The following FRAS1 variants were observed in gnomAD, a reference collection of about 807,000 sequenced individuals.
FRAS1 encodes the protein Fraser extracellular matrix complex subunit 1.
Under a neutral mutation model 435.2 loss-of-function variants are expected in FRAS1, and 290 were observed. That is an observed-to-expected ratio of 0.67 (90% CI 0.61 to 0.73). FRAS1 has a LOEUF of 0.73. Among genes scored for constraint, FRAS1 ranks in the 30% least tolerant of loss-of-function variants. The probability of loss-of-function intolerance (pLI) is 0.00; values close to 1 mark genes in which losing one functional copy is unlikely to be tolerated. For missense variants in FRAS1, 4,860 were observed against 5,001.5 expected (o/e 0.97, Z 0.85); for synonymous variants, 1,800 against 1,851.0 (o/e 0.97, Z 0.71).
chr4:78,368,447 A>G (rs1003345195), intron 22 of FRAS1, among the ~76,000 whole-genome samples: 1 of 151,906 alleles, frequency 6.6e-6, no homozygotes, highest in Non-Finnish European at 1.5e-5. Context: ...ACGTACTTAG[A>G]GAAGATTTCA....
At chr4:78,113,173 C>G (rs1424601465) in intron 2 of FRAS1, among the ~76,000 whole-genome samples, 2 of 152,172 alleles carry the variant, frequency 1.3e-5, no homozygotes, top group East Asian at 3.8e-4. Context: ...TTTTTTATGG[C>G]TGCATAGTAT....
chr4:78,534,776 A>G (rs1721829844), intron 71 of FRAS1, among the ~76,000 whole-genome samples, 161 bp downstream of exon 71: 1 of 152,206 alleles, frequency 6.6e-6, no homozygotes, highest in South Asian at 2.1e-4. Context: ...ATCTAGGTAC[A>G]GGCCCATTTC....
chr4:78,374,374 A>G (rs1240230287), intron 25 of FRAS1, 123 bp downstream of exon 25: 18 of 944,398 alleles, frequency 1.9e-5, no homozygotes, highest in Non-Finnish European at 2.4e-5. Flanking sequence ...CAGAGGGCTT[A>G]GCCTAAGTAA....
Position 78,464,578 on chromosome 4 carries a change from A to T in FRAS1, c.7024A>T (p.Thr2342Ser). The change falls in exon 49 of 74, where the codon ACA becomes TCA. Residue 2342 changes from threonine (T) to serine (S), a missense_variant. Transcript: ENST00000512123. ...EFELKAVDAD[T>S]EAESVTFTIV... is the part of the protein sequence containing the mutation. Reference sequence around the variant, plus strand: ...TGAGCTTAAGGCGGTGGATGCTGACACAGAGGTAAGAGCACTTCTTCCCAT... The same window carrying T: ...TGAGCTTAAGGCGGTGGATGCTGACTCAGAGGTAAGAGCACTTCTTCCCAT... The T allele has an allele frequency of 6.2e-7, 1 of 1,613,778 alleles. No homozygotes were observed. Among genetic ancestry groups the T allele is most frequent in the Non-Finnish European group, 8.5e-7 (1 of 1,179,798 alleles).
chr4:78,403,249 TAAACA>T (rs1269209683), intron 30 of FRAS1, among the ~76,000 whole-genome samples: 2 of 152,218 alleles, frequency 1.3e-5, no homozygotes, highest in Admixed American at 6.5e-5. Flanking sequence ...CATTAAGTCT[TAAACA>T]AAACAACGCT....
intron 2 of FRAS1, among the ~76,000 whole-genome samples, chr4:78,114,553 A>C (rs1356829345): frequency 6.6e-6 from 1 of 151,934 alleles, no homozygotes; most frequent in Non-Finnish European, 1.5e-5. Context: ...ATGTCCCTTT[A>C]AGTTGGATTC....
At chr4:78,402,818 T>C (rs1732949971) in intron 30 of FRAS1, among the ~76,000 whole-genome samples, 1 of 152,222 alleles carries the variant, frequency 6.6e-6, no homozygotes, top group Non-Finnish European at 1.5e-5. Flanking sequence ...TTGTCTTTTA[T>C]GACACTGACT....
intron 14 of FRAS1, 45 bp downstream of exon 14, chr4:78,286,584 TC>T (rs1727619595): frequency 6.3e-7 from 1 of 1,594,744 alleles, no homozygotes; most frequent in African/African-American, 1.3e-5. Flanking sequence ...CCAAGACAGC[TC>T]CCCAACCCTG....
At chr4:78,146,166 CAG>C (rs1367683159) in intron 2 of FRAS1, among the ~76,000 whole-genome samples, 5 of 152,080 alleles carry the variant, frequency 3.3e-5, no homozygotes, top group African/African-American at 9.7e-5. Context: ...GAATAATGTA[CAG>C]AGTCTTAAAT....
chr4:78,469,129 A>G (rs1378171564), intron 50 of FRAS1, among the ~76,000 whole-genome samples: 1 of 152,232 alleles, frequency 6.6e-6, no homozygotes, highest in Non-Finnish European at 1.5e-5. Context: ...AGATTTCAGG[A>G]TATATCAGCA....
At chr4:78,112,799 T>TA (rs1376453356) in intron 2 of FRAS1, among the ~76,000 whole-genome samples, 1 of 140,102 alleles carries the variant, frequency 7.1e-6, no homozygotes, top group Non-Finnish European at 1.6e-5. Flanking sequence ...TTTATTTTTT[T>TA]AAATTTTTAC....
At chr4:78,517,698 CA>C (rs772738405) in intron 66 of FRAS1, among the ~76,000 whole-genome samples, 30 of 152,264 alleles carry the variant, frequency 2.0e-4, no homozygotes, top group Non-Finnish European at 2.8e-4. Context: ...GTGCCTTGCA[CA>C]GTGTGCCTGG....
At chr4:78,073,160 G>C (rs1159046711) in intron 2 of FRAS1, among the ~76,000 whole-genome samples, 1 of 152,078 alleles carries the variant, frequency 6.6e-6, no homozygotes, top group African/African-American at 2.4e-5. Context: ...TCCTTGCTGG[G>C]TTTTTATAAA....
intron 14 of FRAS1, among the ~76,000 whole-genome samples, chr4:78,293,526 T>C (rs901228080): frequency 6.6e-6 from 1 of 152,206 alleles, no homozygotes; most frequent in Non-Finnish European, 1.5e-5. Context: ...CTTTTTCTTC[T>C]CTTTTCCTCA....
At chr4:78,114,689 A>C (rs1743016504) in intron 2 of FRAS1, among the ~76,000 whole-genome samples, 2 of 152,248 alleles carry the variant, frequency 1.3e-5, no homozygotes, top group South Asian at 4.1e-4. Flanking sequence ...GTATCCTAAG[A>C]CTTTGCTGAA....
At chr4:78,239,401 T>G (rs1445047570) in intron 3 of FRAS1, among the ~76,000 whole-genome samples, 3 of 152,212 alleles carry the variant, frequency 2.0e-5, no homozygotes, top group Non-Finnish European at 4.4e-5. Context: ...GTTCCATTAT[T>G]ATCATCCTTT....
intron 9 of FRAS1, among the ~76,000 whole-genome samples, chr4:78,277,923 T>A (rs1390130406): frequency 6.6e-6 from 1 of 152,038 alleles, no homozygotes; most frequent in Non-Finnish European, 1.5e-5. Context: ...ACCATTCTCC[T>A]GCCTCAGCCT....
At chr4:78,081,938 G>A (rs1740915389) in intron 2 of FRAS1, among the ~76,000 whole-genome samples, 1 of 151,982 alleles carries the variant, frequency 6.6e-6, no homozygotes, top group Admixed American at 6.6e-5. Context: ...ATTTTCTTTG[G>A]TTTAAGTCTG....
chr4:78,114,312 G>A (rs1442567138), intron 2 of FRAS1, among the ~76,000 whole-genome samples: 1 of 152,226 alleles, frequency 6.6e-6, no homozygotes, highest in South Asian at 2.1e-4. Flanking sequence ...GGCAATGCAG[G>A]CTCTTTTTTT....
Sources: gnomAD v4.1 joint callset for allele counts (sites outside exome capture counted in the v4.1 genomes callset) on GRCh38, gnomAD v4.1.1 for gene constraint, MANE v1.5 for transcripts, NCBI Gene and HGNC (gene_info 2026-07-23, HGNC 2026-07-21) for gene names.